TFEC: variants seen among roughly 807,000 people sequenced by gnomAD.
TFEC encodes the protein transcription factor EC.
A neutral mutation model predicts 41.6 loss-of-function variants in TFEC; 31 were observed. The ratio of observed to expected loss-of-function variants is 0.74; its 90% CI spans 0.56 to 1.01. TFEC has a LOEUF of 1.01. TFEC is among the 50% of genes least tolerant of loss of function. The pLI is 0.00. For synonymous variants in TFEC, 143 were observed against 140.6 expected, an observed-to-expected ratio of 1.02 and a Z score of -0.12; for missense variants, 402 against 404.1, an observed-to-expected ratio of 0.99 and a Z score of 0.04.
chr7:115,978,380 T>C (rs1793479587), intron 2 of TFEC, among the ~76,000 whole-genome samples: 1 of 152,190 alleles, frequency 6.6e-6, no homozygotes, highest in African/African-American at 2.4e-5. Flanking sequence ...CACTTGCAGT[T>C]GAATATTTTA....
chr7:116,144,900 C>A (rs373462613), intron 1 of TFEC, among the ~76,000 whole-genome samples: 40 of 152,144 alleles, frequency 2.6e-4, no homozygotes, highest in African/African-American at 9.7e-4. Flanking sequence ...GCCAGCCCAC[C>A]AGTCATGTGA....
intron 1 of TFEC, among the ~76,000 whole-genome samples, chr7:116,007,526 T>C (rs1366013741): frequency 1.3e-5 from 2 of 152,216 alleles, no homozygotes; most frequent in Admixed American, 1.3e-4. Context: ...GAGATATGAT[T>C]ATTTTCACAA....
chr7:116,079,274 C>T (rs544502902), intron 3 of TFEC, among the ~76,000 whole-genome samples: 2 of 152,136 alleles, frequency 1.3e-5, no homozygotes, highest in South Asian at 2.1e-4. Context: ...TGGCACAAGA[C>T]AAGGATGCCC....
At chr7:115,986,527 G>A (rs1010763433) in intron 1 of TFEC, among the ~76,000 whole-genome samples, 1 of 151,896 alleles carries the variant, frequency 6.6e-6, no homozygotes, top group Non-Finnish European at 1.5e-5. Flanking sequence ...AAAAGAAGTG[G>A]TTTTAAAAAA....
rs1793529654 is a variant in TFEC at position 115,941,997 on chromosome 7, C to T, written c.559G>A (p.Glu187Lys). 1 of 1,612,878 alleles carries T rather than the reference C, an allele frequency of 6.2e-7. No homozygotes were observed. The highest frequency in any genetic ancestry group is 1.7e-5 in the Admixed American group (1 of 59,886). The change falls in exon 7 of 8, where the codon GAG becomes AAG. Residue 187 changes from glutamate (E) to lysine (K), a missense_variant. By Grantham distance (56) the Glu-to-Lys change is moderately conservative. Transcript: ENST00000265440. ...NKGTILKASV[E>K]YIKWLQKEQQ... ...TCTTTTTGTAGCCACTTGATGTACT[C>T]CACTGATGCTTTTAGAATGGTTCCT...
intron 1 of TFEC, among the ~76,000 whole-genome samples, chr7:116,134,652 G>A (rs912426982): frequency 7.2e-5 from 11 of 152,018 alleles, no homozygotes; most frequent in African/African-American, 2.7e-4. Flanking sequence ...ATTGCTATAC[G>A]AAAAATTAGA....
At chr7:116,008,821 G>C (rs901293881) in intron 1 of TFEC, among the ~76,000 whole-genome samples, 2 of 152,060 alleles carry the variant, frequency 1.3e-5, no homozygotes, top group African/African-American at 4.8e-5. Context: ...TTTTACTTAG[G>C]TTTCTGAATA....
At chr7:116,090,123 G>C (rs1428420091) in intron 3 of TFEC, among the ~76,000 whole-genome samples, 2 of 152,176 alleles carry the variant, frequency 1.3e-5, no homozygotes, top group African/African-American at 4.8e-5. Context: ...AAATCCCCAC[G>C]TTTTTCTGCC....
intron 1 of TFEC, among the ~76,000 whole-genome samples, chr7:115,994,646 A>T (rs1297277618): frequency 6.6e-6 from 1 of 152,236 alleles, no homozygotes; most frequent in Non-Finnish European, 1.5e-5. Flanking sequence ...CCATAATGAG[A>T]TACCATCTCA....
At chr7:115,988,726 C>T (rs1388634661) in intron 1 of TFEC, among the ~76,000 whole-genome samples, 1 of 151,760 alleles carries the variant, frequency 6.6e-6, no homozygotes. Context: ...ATCCAGGAAG[C>T]TCAGAGAACA....
intron 1 of TFEC, chr7:116,120,152 T>C (rs891958643): frequency 6.6e-6 from 1 of 151,878 alleles, no homozygotes; most frequent in Non-Finnish European, 1.5e-5. Flanking sequence ...GTGACTGGTA[T>C]AACAGGGAGT....
intron 3 of TFEC, among the ~76,000 whole-genome samples, chr7:116,039,529 G>T (rs1192109891): frequency 6.6e-6 from 1 of 151,618 alleles, no homozygotes; most frequent in Non-Finnish European, 1.5e-5. Flanking sequence ...GAATCTATCT[G>T]CAAGGAGAAA....
chr7:116,073,522 T>C (rs763396727), intron 3 of TFEC, among the ~76,000 whole-genome samples: 2 of 151,842 alleles, frequency 1.3e-5, no homozygotes. Context: ...CAAACTACCA[T>C]AGCACGTGTA....
intron 1 of TFEC, among the ~76,000 whole-genome samples, chr7:115,986,540 A>G (rs781555931): frequency 6.6e-6 from 1 of 152,136 alleles, no homozygotes; most frequent in Non-Finnish European, 1.5e-5. Flanking sequence ...TTAAAAAAAC[A>G]TATTGAAAGA....
intron 2 of TFEC, among the ~76,000 whole-genome samples, chr7:115,981,275 ATG>A (rs1225636100): frequency 2.0e-5 from 3 of 152,074 alleles, no homozygotes; most frequent in Non-Finnish European, 4.4e-5. Flanking sequence ...GTTGATGTAT[ATG>A]TCTTTCAACA....
chr7:116,152,265 G>A (rs998860973), intron 1 of TFEC, among the ~76,000 whole-genome samples: 1 of 152,140 alleles, frequency 6.6e-6, no homozygotes, highest in Non-Finnish European at 1.5e-5. Context: ...AGGCACCACA[G>A]AAGCATGATC....
At chr7:115,990,614 A>C (rs1584650770) in intron 1 of TFEC, among the ~76,000 whole-genome samples, 1 of 152,168 alleles carries the variant, frequency 6.6e-6, no homozygotes, top group East Asian at 1.9e-4. Flanking sequence ...GATTTGATCA[A>C]GTGGAAGAAA....
At chr7:116,067,638 T>G (rs1796725464) in intron 3 of TFEC, among the ~76,000 whole-genome samples, 1 of 152,016 alleles carries the variant, frequency 6.6e-6, no homozygotes, top group Admixed American at 6.6e-5. Context: ...TTTCTGAATA[T>G]GCATTTACTT....
upstream of TFEC, among the ~76,000 whole-genome samples, chr7:116,035,454 T>C (rs1326357780): frequency 6.6e-6 from 1 of 152,126 alleles, no homozygotes; most frequent in African/African-American, 2.4e-5. Context: ...TTATAAGCAT[T>C]AATGTTAACA....
Sources: allele counts gnomAD v4.1 joint callset (sites outside exome capture counted in the v4.1 genomes callset), GRCh38; gene constraint gnomAD v4.1.1; transcripts MANE v1.5; gene names NCBI Gene and HGNC (gene_info 2026-07-23, HGNC 2026-07-21).